Variants in NARS2 observed in about 807,000 individuals in gnomAD.
The protein encoded by NARS2 is asparaginyl-tRNA synthetase 2, mitochondrial.
Under a neutral mutation model 62.9 loss-of-function variants are expected in NARS2, and 60 were observed. That is an observed-to-expected ratio of 0.95 (90% CI 0.77 to 1.18). The LOEUF is 1.18. Among genes scored for constraint, NARS2 ranks in the 50% most tolerant of loss-of-function variants. The pLI, the probability that NARS2 is intolerant of heterozygous loss-of-function variation, is 0.00. For synonymous variants in NARS2, 196 were observed against 200.0 expected, an observed-to-expected ratio of 0.98 and a Z score of 0.17; for missense variants, 619 against 576.4, an observed-to-expected ratio of 1.07 and a Z score of -0.76.
intron 7 of NARS2, among the ~76,000 whole-genome samples, chr11:78,483,835 C>T (rs560594502): frequency 6.6e-6 from 1 of 152,248 alleles, no homozygotes; most frequent in Admixed American, 6.5e-5. Context: ...TTTATAGATT[C>T]AATGCTATTC....
chr11:78,487,642 T>A (rs1426188212), intron 7 of NARS2, among the ~76,000 whole-genome samples: 1 of 152,100 alleles, frequency 6.6e-6, no homozygotes, highest in African/African-American at 2.4e-5. Context: ...AAATTATACC[T>A]AGACATATCA....
intron 5 of NARS2, among the ~76,000 whole-genome samples, chr11:78,538,742 T>A (rs970607475): frequency 2.0e-5 from 3 of 151,872 alleles, no homozygotes; most frequent in Non-Finnish European, 4.4e-5. Flanking sequence ...ACGCCTGTAA[T>A]CCCAGCACTT....
intron 6 of NARS2, among the ~76,000 whole-genome samples, chr11:78,523,236 G>C (rs1861190753): frequency 1.3e-5 from 2 of 152,154 alleles, no homozygotes; most frequent in Admixed American, 1.3e-4. Context: ...CCCATCATTA[G>C]TAGTCAGGGG....
chr11:78,450,666 C>CTT (rs781420225), intron 11 of NARS2, among the ~76,000 whole-genome samples: 1,857 of 101,512 alleles, frequency 0.018, 76 homozygotes, highest in African/African-American at 0.068. Flanking sequence ...AAAGCCTTGT[C>CTT]TTTTTTTTTT....
intron 11 of NARS2, among the ~76,000 whole-genome samples, chr11:78,456,281 T>C (rs955107002): frequency 1.6e-4 from 24 of 152,326 alleles, no homozygotes; most frequent in African/African-American, 5.8e-4. Context: ...CTTAGAAGTC[T>C]GTATCACACA....
intron 11 of NARS2, among the ~76,000 whole-genome samples, chr11:78,447,900 C>G (rs962151519): frequency 7.2e-5 from 11 of 151,962 alleles, no homozygotes; most frequent in African/African-American, 2.2e-4. Flanking sequence ...TTCAGATGGA[C>G]AGAGGAATGG....
intron 6 of NARS2, among the ~76,000 whole-genome samples, chr11:78,526,605 C>G (rs1053252298): frequency 6.6e-6 from 1 of 152,058 alleles, no homozygotes; most frequent in African/African-American, 2.4e-5. Context: ...GACAGTAGTA[C>G]AAATACTTCA....
intron 7 of NARS2, among the ~76,000 whole-genome samples, chr11:78,492,088 C>CAT (rs137953485): frequency 0.018 from 2,716 of 146,868 alleles, 27 homozygotes; most frequent in African/African-American, 0.03. Context: ...CTAAGTACTT[C>CAT]ATATATATAT....
chr11:78,471,515 A>T (rs987779358), intron 9 of NARS2, among the ~76,000 whole-genome samples: 3 of 147,630 alleles, frequency 2.0e-5, no homozygotes, highest in African/African-American at 4.9e-5. Flanking sequence ...AGGAGATTGA[A>T]CTATCTTTTT....
chr11:78,567,560 CAA>C (rs1046864870), intron 3 of NARS2, among the ~76,000 whole-genome samples: 3 of 151,946 alleles, frequency 2.0e-5, no homozygotes, highest in African/African-American at 7.3e-5. Context: ...CTAAAAAAAA[CAA>C]AAAGAAAAAT....
chr11:78,471,760 C>T (rs1224404228), intron 9 of NARS2, among the ~76,000 whole-genome samples: 13 of 147,648 alleles, frequency 8.8e-5, no homozygotes, highest in African/African-American at 2.8e-4. Flanking sequence ...GTTCAATTCC[C>T]ACCTATGAGT....
chr11:78,540,621 G>T (rs1855574693), intron 5 of NARS2, among the ~76,000 whole-genome samples: 1 of 152,062 alleles, frequency 6.6e-6, no homozygotes, highest in Admixed American at 6.5e-5. Context: ...CAAAAAGTTG[G>T]GAAGAGAATA....
At chr11:78,556,854 G>A (rs1415679933) in intron 5 of NARS2, among the ~76,000 whole-genome samples, 5 of 152,164 alleles carry the variant, frequency 3.3e-5, no homozygotes, top group South Asian at 4.1e-4. Context: ...AGAGGAAAAC[G>A]TGTACAAACA....
chr11:78,568,486 G>T, intron 3 of NARS2, 146 bp downstream of exon 3: 1 of 900,492 alleles, frequency 1.1e-6, no homozygotes, highest in Non-Finnish European at 1.6e-6. Flanking sequence ...TTTTGCTACT[G>T]CCTCTACAGG....
chr11:78,438,058 C>A (rs114836833), intron 13 of NARS2, among the ~76,000 whole-genome samples: 109 of 151,138 alleles, frequency 7.2e-4, no homozygotes, highest in African/African-American at 2.5e-3. Context: ...AAAATCAGTT[C>A]TATAATAAGA....
In NARS2 at chr11:78,475,626, T is replaced by C. The variant is rs377587419; in HGVS notation, c.959+2812A>G. Among the ~76,000 whole-genome samples, 49 of 139,554 alleles carry C rather than the reference T, an allele frequency of 3.5e-4. No homozygotes were observed. In the East Asian group the frequency reaches 7.9e-3, roughly 22 times the overall value. 91.6% of individuals were successfully genotyped at this position (139,554 alleles called of 152,430 possible). ...TTTTTTTTTTGAGACAAGGTCTTGC[T>C]CTGTCTCCCAGGCTGGAGTGCAGCA... On this transcript the variant is annotated intron_variant, in intron 9 of 13. Transcript: ENST00000281038.
chr11:78,475,459 T>C (rs1859049163), intron 9 of NARS2, among the ~76,000 whole-genome samples: 1 of 152,172 alleles, frequency 6.6e-6, no homozygotes, highest in African/African-American at 2.4e-5. Context: ...AATATACTTT[T>C]GGTTTTTTGA....
chr11:78,529,197 TC>T (rs1180753334), intron 5 of NARS2, among the ~76,000 whole-genome samples: 1 of 152,070 alleles, frequency 6.6e-6, no homozygotes, highest in Non-Finnish European at 1.5e-5. Context: ...AAAATATACT[TC>T]CCCCTAAAAA....
At chr11:78,477,688 C>A (rs142203740) in intron 9 of NARS2, among the ~76,000 whole-genome samples, 20 of 150,658 alleles carry the variant, frequency 1.3e-4, no homozygotes, top group Non-Finnish European at 2.8e-4. Flanking sequence ...AAAAGCAGAT[C>A]ATATTACCCT....
Sources: gnomAD v4.1 joint callset for allele counts (sites outside exome capture counted in the v4.1 genomes callset) on GRCh38, gnomAD v4.1.1 for gene constraint, MANE v1.5 for transcripts, NCBI Gene and HGNC (gene_info 2026-07-23, HGNC 2026-07-21) for gene names.